Variants in DLEU7 observed in about 807,000 individuals in gnomAD.
DLEU7 encodes the protein leukemia-associated protein 7.
A neutral mutation model predicts 16.0 loss-of-function variants in DLEU7; 17 were observed. The observed-to-expected ratio is 1.06, with a 90% CI of 0.73 to 1.59. The LOEUF (loss-of-function observed/expected upper bound fraction) is 1.59. DLEU7 is among the 40% of genes most tolerant of loss of function. The pLI is 0.00. For missense variants in DLEU7, 308 were observed against 314.9 expected, an observed-to-expected ratio of 0.98 and a Z score of 0.17; for synonymous variants, 113 against 139.8, an observed-to-expected ratio of 0.81 and a Z score of 1.35.
chr13:50,822,277 C>T (rs1239478604), downstream of DLEU7, among the ~76,000 whole-genome samples: 1 of 152,120 alleles, frequency 6.6e-6, no homozygotes, highest in African/African-American at 2.4e-5. Context: ...ACTATTAACA[C>T]CTTAGAAATA....
chr13:50,728,756 A>G (rs1392318101), intron 1 of DLEU7, among the ~76,000 whole-genome samples: 1 of 152,162 alleles, frequency 6.6e-6, no homozygotes, highest in Non-Finnish European at 1.5e-5. Context: ...AAGGATGTTC[A>G]TGTGTCCATT....
intron 1 of DLEU7, among the ~76,000 whole-genome samples, chr13:50,790,014 C>A (rs1405191195): frequency 6.6e-6 from 1 of 151,214 alleles, no homozygotes; most frequent in Non-Finnish European, 1.5e-5. Context: ...CTCACTGCAA[C>A]CTCCGCCTCC....
intron 1 of DLEU7, among the ~76,000 whole-genome samples, chr13:50,798,776 G>A (rs577548974): frequency 1.7e-4 from 26 of 152,298 alleles, no homozygotes; most frequent in African/African-American, 5.8e-4. Flanking sequence ...CTGGAACCTC[G>A]AGGAGACTGT....
intron 1 of DLEU7, among the ~76,000 whole-genome samples, chr13:50,717,442 A>G (rs187999261): frequency 2.5e-3 from 387 of 152,354 alleles, no homozygotes; most frequent in Admixed American, 5.6e-3. Flanking sequence ...CACTCATTGT[A>G]TCATGTAACC....
At chr13:50,767,720 G>C (rs1875164447) in intron 1 of DLEU7, among the ~76,000 whole-genome samples, 1 of 152,124 alleles carries the variant, frequency 6.6e-6, no homozygotes, top group Non-Finnish European at 1.5e-5. Context: ...GTGTCCCCTA[G>C]CATAGACTCA....
intron 1 of DLEU7, among the ~76,000 whole-genome samples, chr13:50,717,257 G>A (rs754436033): frequency 6.6e-6 from 1 of 152,192 alleles, no homozygotes; most frequent in African/African-American, 2.4e-5. Context: ...ATAGTTAATG[G>A]GATGCTGGAT....
chr13:50,758,492 G>T (rs188225766), intron 1 of DLEU7, among the ~76,000 whole-genome samples: 1 of 152,312 alleles, frequency 6.6e-6, no homozygotes, highest in East Asian at 1.9e-4. Context: ...AGGAATCCCA[G>T]TATTTCTCAG....
chr13:50,744,492 C>T (rs193096523), intron 1 of DLEU7, among the ~76,000 whole-genome samples: 3 of 152,214 alleles, frequency 2.0e-5, no homozygotes, highest in Non-Finnish European at 2.9e-5. Flanking sequence ...TTAGCAATTT[C>T]GCAAATTCTG....
intron 1 of DLEU7, among the ~76,000 whole-genome samples, chr13:50,724,909 C>A (rs1426574403): frequency 6.6e-6 from 1 of 152,214 alleles, no homozygotes; most frequent in Admixed American, 6.5e-5. Flanking sequence ...TGACAGACAT[C>A]ATTTCTGCTT....
chr13:50,719,082 C>T (rs138210812), intron 1 of DLEU7, among the ~76,000 whole-genome samples: 6 of 152,230 alleles, frequency 3.9e-5, no homozygotes, highest in East Asian at 1.9e-4. Flanking sequence ...CAGCAATCAG[C>T]GGGTGACTCT....
At position 50,736,076 on chromosome 13, in the gene DLEU7, T is replaced by C. The variant is rs184803805; in HGVS notation, c.460-22836A>G. On this transcript the variant is annotated intron_variant, in intron 1 of 1. Transcript: ENST00000400393. ...CGTGTGTACGTTAATTGCAATACTA[T>C]TAACAATAGCAAAGACGAAGAATCA... Among the ~76,000 whole-genome samples, 126 of 152,262 alleles carry C rather than the reference T, an allele frequency of 8.3e-4. 1 individual carries two copies. Among genetic ancestry groups the C allele is most frequent in the African/African-American group, 2.9e-3 (122 of 41,554 alleles).
intron 1 of DLEU7, among the ~76,000 whole-genome samples, chr13:50,789,468 G>A (rs1384962017): frequency 6.7e-6 from 1 of 148,992 alleles, no homozygotes; most frequent in Non-Finnish European, 1.5e-5. Context: ...CTTGAGAGCA[G>A]GAAACTCATG....
intron 1 of DLEU7, among the ~76,000 whole-genome samples, chr13:50,740,481 G>A (rs551008391): frequency 4.5e-4 from 69 of 152,254 alleles, no homozygotes; most frequent in Non-Finnish European, 7.9e-4. Flanking sequence ...CTACTCCCAT[G>A]ACAGATAGAA....
At chr13:50,789,050 C>T (rs529337507) in intron 1 of DLEU7, among the ~76,000 whole-genome samples, 53 of 152,114 alleles carry the variant, frequency 3.5e-4, no homozygotes, top group Admixed American at 1.8e-3. Flanking sequence ...GGAGCATCGT[C>T]GTATTGCCAA....
intron 1 of DLEU7, among the ~76,000 whole-genome samples, chr13:50,824,148 C>T (rs181830731): frequency 3.3e-5 from 5 of 152,236 alleles, no homozygotes; most frequent in Non-Finnish European, 5.9e-5. Flanking sequence ...TATTCCAATA[C>T]AGAATTTGTT....
intron 1 of DLEU7, among the ~76,000 whole-genome samples, chr13:50,783,399 CATCTTACACATA>C (rs1434350696): frequency 6.6e-6 from 1 of 152,178 alleles, no homozygotes; most frequent in Admixed American, 6.5e-5. Context: ...CAGGTTACGT[CATCTTACACATA>C]ATCTTACACA....
intron 1 of DLEU7, among the ~76,000 whole-genome samples, chr13:50,782,533 T>A (rs1191762343): frequency 6.6e-6 from 1 of 152,204 alleles, no homozygotes; most frequent in Non-Finnish European, 1.5e-5. Flanking sequence ...CAATTTTATC[T>A]CCAACCATTT....
At chr13:50,770,787 A>G (rs1449635209) in intron 1 of DLEU7, among the ~76,000 whole-genome samples, 1 of 151,990 alleles carries the variant, frequency 6.6e-6, no homozygotes, top group African/African-American at 2.4e-5. Flanking sequence ...CTGGCCTCAT[A>G]AAATGAAGGA....
intron 1 of DLEU7, among the ~76,000 whole-genome samples, chr13:50,724,516 C>CA (rs530553640): frequency 1.4e-4 from 21 of 147,966 alleles, no homozygotes; most frequent in African/African-American, 3.0e-4. Flanking sequence ...ATCTGGCAGG[C>CA]AAAAAAAAAG....
Sources: gnomAD v4.1 joint callset for allele counts (sites outside exome capture counted in the v4.1 genomes callset) on GRCh38, gnomAD v4.1.1 for gene constraint, MANE v1.5 for transcripts, NCBI Gene and HGNC (gene_info 2026-07-23, HGNC 2026-07-21) for gene names.